Variants in LCOR observed in about 807,000 individuals in gnomAD.
LCOR encodes the protein ligand-dependent corepressor.
Under a neutral mutation model 64.4 loss-of-function variants are expected in LCOR, and 14 were observed. The ratio of observed to expected loss-of-function variants is 0.22; its 90% CI spans 0.14 to 0.34. The LOEUF is 0.34. Ranked by LOEUF, LCOR falls within the 10% of genes least tolerant of loss-of-function variation. The probability of loss-of-function intolerance (pLI) is 1.00; values close to 1 mark genes in which losing one functional copy is unlikely to be tolerated. For synonymous variants in LCOR, 643 were observed against 642.5 expected, an observed-to-expected ratio of 1.00 and a Z score of -0.01; for missense variants, 1,686 against 1,765.3, an observed-to-expected ratio of 0.96 and a Z score of 0.80.
intron 2 of LCOR, among the ~76,000 whole-genome samples, chr10:96,835,653 T>A (rs142434671): frequency 1.3e-5 from 2 of 152,352 alleles, no homozygotes; most frequent in East Asian, 3.9e-4. Flanking sequence ...TGTTTGTTTC[T>A]CTTGACTGAT....
At chr10:96,850,522 C>G (rs1490602564) in intron 2 of LCOR, among the ~76,000 whole-genome samples, 5 of 152,122 alleles carry the variant, frequency 3.3e-5, no homozygotes, top group Admixed American at 6.6e-5. Flanking sequence ...GACAGCATCT[C>G]TGTCACCCAG....
At chr10:96,833,297 C>T in intron 1 of LCOR, 109 bp from the exon 2 acceptor site, 1 of 952,526 alleles carries the variant, frequency 1.0e-6, no homozygotes, top group African/African-American at 1.8e-5. Flanking sequence ...CCTCGGGTGG[C>T]TTTTTCCCTG....
intron 4 of LCOR, among the ~76,000 whole-genome samples, chr10:96,927,347 A>G (rs180740362): frequency 6.6e-6 from 1 of 151,578 alleles, no homozygotes; most frequent in African/African-American, 2.4e-5. Flanking sequence ...AAACATTATT[A>G]TAAGTTATAA....
At chr10:96,940,889 C>T (rs1320503162) in intron 4 of LCOR, among the ~76,000 whole-genome samples, 3 of 150,510 alleles carry the variant, frequency 2.0e-5, no homozygotes, top group East Asian at 2.0e-4. Context: ...CCAGTAGGGG[C>T]GGCCGGGCAG....
At chr10:96,859,822 G>T (rs1845859835) in intron 2 of LCOR, among the ~76,000 whole-genome samples, 1 of 152,112 alleles carries the variant, frequency 6.6e-6, no homozygotes, top group Admixed American at 6.6e-5. Flanking sequence ...TCCGAAAGTG[G>T]TGGGACTACT....
chr10:96,894,934 G>A (rs1002235492), intron 2 of LCOR, among the ~76,000 whole-genome samples: 2 of 152,032 alleles, frequency 1.3e-5, no homozygotes, highest in African/African-American at 4.8e-5. Flanking sequence ...TTTGCTAGAT[G>A]GTAAAGATAG....
At chr10:96,973,105 T>C (rs1848012172) in intron 7 of LCOR, among the ~76,000 whole-genome samples, 1 of 152,218 alleles carries the variant, frequency 6.6e-6, no homozygotes, top group African/African-American at 2.4e-5. Flanking sequence ...TTTTTCTGTA[T>C]CTAGGTTCTA....
chr10:96,886,606 G>A (rs1401334616), intron 2 of LCOR, among the ~76,000 whole-genome samples: 1 of 152,090 alleles, frequency 6.6e-6, no homozygotes, highest in Non-Finnish European at 1.5e-5. Context: ...CTTAGGACTT[G>A]CTGATTGCTT....
At chr10:96,860,954 A>G (rs962198883) in intron 2 of LCOR, among the ~76,000 whole-genome samples, 14 of 152,366 alleles carry the variant, frequency 9.2e-5, no homozygotes, top group African/African-American at 2.2e-4. Flanking sequence ...CTGTTGAGGT[A>G]AGGACAGTTA....
chr10:96,980,664 T>C (rs982792085), intron 7 of LCOR, 129 bp from the exon 8 acceptor site: 2 of 580,792 alleles, frequency 3.4e-6, no homozygotes, highest in Middle Eastern at 4.5e-4. Flanking sequence ...CTGGCCAACA[T>C]AGCGAGACCC....
At chr10:96,955,938 C>T in intron 7 of LCOR, 1 of 1,601,538 alleles carries the variant, frequency 6.2e-7, no homozygotes, top group Non-Finnish European at 8.5e-7. Context: ...CTGTAGAGTG[C>T]CAATTACTGT....
chr10:96,851,597 C>A (rs1845722511), intron 2 of LCOR, among the ~76,000 whole-genome samples: 1 of 152,124 alleles, frequency 6.6e-6, no homozygotes, highest in South Asian at 2.1e-4. Flanking sequence ...TGAAGAAAGA[C>A]TTCTAAGACA....
At chr10:96,940,303 ATTTTTTTTTTT>A (rs552752409) in intron 4 of LCOR, among the ~76,000 whole-genome samples, 31 of 65,452 alleles carry the variant, frequency 4.7e-4, no homozygotes, top group South Asian at 2.1e-3. Flanking sequence ...GGTGGTCATG[ATTTTTTTTTTT>A]TTTTTTTTTT....
chr10:96,944,947 A>G (rs981927835), intron 5 of LCOR, among the ~76,000 whole-genome samples: 1 of 152,166 alleles, frequency 6.6e-6, no homozygotes, highest in Non-Finnish European at 1.5e-5. Flanking sequence ...CACAAAGCAT[A>G]ATTACCATCA....
intron 4 of LCOR, among the ~76,000 whole-genome samples, chr10:96,938,978 A>G (rs1225848811): frequency 3.3e-5 from 5 of 152,256 alleles, no homozygotes; most frequent in African/African-American, 1.2e-4. Flanking sequence ...CAAAATCCCA[A>G]CTGACTTATT....
intron 4 of LCOR, among the ~76,000 whole-genome samples, chr10:96,912,176 C>T (rs1236148152): frequency 6.6e-6 from 1 of 152,168 alleles, no homozygotes; most frequent in East Asian, 1.9e-4. Flanking sequence ...TCAGGCAATC[C>T]ACCCGCCTCG....
intron 7 of LCOR, among the ~76,000 whole-genome samples, chr10:96,977,843 AG>A (rs1220976758): frequency 1.3e-5 from 2 of 152,104 alleles, no homozygotes; most frequent in Non-Finnish European, 2.9e-5. Flanking sequence ...CAGCTAGCCC[AG>A]TGATTTTTTA....
At position 96,985,319 on chromosome 10, in the gene LCOR, AG is replaced by A. The variant is rs1848140112; in HGVS notation, c.*187del. On this transcript the variant is annotated 3_prime_UTR_variant, in exon 8 of 8. Coordinates refer to ENST00000421806, the MANE Select transcript of LCOR (RefSeq NM_001346516.2). Reference sequence around the variant, plus strand: ...AGGGAACTTGCAGAGTCCTTCTCTGAGGCTAAGGGAAGTTATATATTATATT... The same window carrying A: ...AGGGAACTTGCAGAGTCCTTCTCTGAGCTAAGGGAAGTTATATATTATATT... 1.6e-6 allele frequency: 1 copy of A among 639,356 alleles called. No homozygotes were observed. Among genetic ancestry groups the A allele is most frequent in the Non-Finnish European group, 2.4e-6 (1 of 411,338 alleles). The allele number at this position is 639,356 out of a possible 1,614,324, so 39.6% of individuals were successfully genotyped here.
rs974196248 is a variant in LCOR, at chr10:96,922,197, A to T, written c.-184+14450A>T. ...GCCTTTTTATTTCTTATATATTTTT[A>T]AAAATAAAATTTCCTAAGTTTTTTT... On this transcript the variant is annotated intron_variant, in intron 4 of 7. Transcript: ENST00000421806. 4.6e-5 allele frequency among the ~76,000 whole-genome samples: 7 copies of T among 152,070 alleles called. No homozygotes were observed. In the East Asian group the frequency reaches 7.7e-4, roughly 17 times the overall value.
Sources: gnomAD v4.1 joint callset for allele counts (sites outside exome capture counted in the v4.1 genomes callset) on GRCh38, gnomAD v4.1.1 for gene constraint, MANE v1.5 for transcripts, NCBI Gene and HGNC (gene_info 2026-07-23, HGNC 2026-07-21) for gene names.